The following TPCN1 variants were observed in gnomAD, a reference collection of about 807,000 sequenced individuals.
TPCN1 encodes the protein two pore channel protein 1.
Under a neutral mutation model 108.8 loss-of-function variants are expected in TPCN1, and 52 were observed. That is an observed-to-expected ratio of 0.48 (90% CI 0.38 to 0.60). The LOEUF is 0.60. Ranked by LOEUF, TPCN1 falls within the 20% of genes least tolerant of loss-of-function variation. The pLI, the probability that TPCN1 is intolerant of heterozygous loss-of-function variation, is 0.00. For synonymous variants in TPCN1, 446 were observed against 433.7 expected (o/e 1.03, Z -0.35); for missense variants, 806 against 1,072.8 (o/e 0.75, Z 3.47).
rs374432208 is a variant in TPCN1 at position 113,273,693 on chromosome 12, G to A, written c.942+25G>A. ...GGTGAGTGACTATGCCTCAGGCTAC[G>A]CTGAAGCAGCCTGCCCCTACCCATG... is the stretch of plus-strand genomic sequence containing the variant. On this transcript the variant is annotated intron_variant, in intron 10 of 27. Coordinates refer to ENST00000335509, the MANE Select transcript of TPCN1 (RefSeq NM_017901.6). This position sits in a 1 kb window ranked among gnomAD's most constrained non-coding sequence, Gnocchi z 4.0. 7 of 1,566,350 alleles carry A rather than the reference G, an allele frequency of 4.5e-6. No individual in the cohort carries two copies. The highest frequency in any genetic ancestry group is 2.7e-5 in the African/African-American group (2 of 73,944).
chr12:113,268,636 C>T lies in TPCN1; in HGVS notation c.529-106C>T. ...GAGAGGGCTGGAGAGAGGAGAAGGC[C>T]TCCCGAGGCCAGAGTGGGCACTGCC... On this transcript the variant is annotated intron_variant, in intron 5 of 27. Transcript: ENST00000335509. This position sits in a 1 kb window ranked among gnomAD's most constrained non-coding sequence, Gnocchi z 7.3. 5 of 1,454,220 alleles carry T rather than the reference C, an allele frequency of 3.4e-6. No individual in the cohort carries two copies. The highest frequency in any genetic ancestry group is 4.7e-6 in the Non-Finnish European group (5 of 1,072,774). 90.1% of individuals were successfully genotyped at this position (1,454,220 alleles called of 1,614,324 possible).
At chr12:113,292,189 T>C (rs927410451) in intron 25 of TPCN1, 3 of 515,374 alleles carry the variant, frequency 5.8e-6, no homozygotes, top group Non-Finnish European at 1.0e-5. Context: ...ATGTCATAGT[T>C]GGAGAAAAAT....
chr12:113,284,499 T>G lies in TPCN1; in HGVS notation c.1343-82T>G, dbSNP rs1955998242. On this transcript the variant is annotated intron_variant, in intron 15 of 27. Coordinates refer to ENST00000335509, the MANE Select transcript of TPCN1 (RefSeq NM_017901.6). This position sits in a 1 kb window ranked among gnomAD's most constrained non-coding sequence, Gnocchi z 4.1. ...CCCATCCCGTAGAGCTCCAGGAAGT[T>G]AACCAGGGACTTCAGCTGCGACCTG... 3.3e-6 allele frequency: 5 copies of G among 1,529,706 alleles called. No homozygotes were observed. The highest frequency in any genetic ancestry group is 2.7e-6 in the Non-Finnish European group (3 of 1,105,698). The allele number at this position is 1,529,706 out of a possible 1,614,324, so 94.8% of individuals were successfully genotyped here.
rs1172851714 is a variant in TPCN1, at chr12:113,223,435, C to CTTTTTTTTTTTTTT, written c.-126+1813_-126+1826dup. On this transcript the variant is annotated intron_variant, in intron 1 of 27. Transcript: ENST00000335509. ...AGGTCTGCAGTCAGATCTGCTGAGT[C>CTTTTTTTTTTTTTT]TTTTTTTTTTTTTTTTTGGTTCTTC... Among the ~76,000 whole-genome samples the CTTTTTTTTTTTTTT allele has an allele frequency of 4.8e-4, 58 of 120,252 alleles. 1 individual carries two copies. The highest frequency in any genetic ancestry group is 4.7e-3 in the East Asian group (19 of 4,042). The allele number at this position is 120,252 out of a possible 152,430, so 78.9% of individuals were successfully genotyped here.
chr12:113,288,724 G>A lies in TPCN1; in HGVS notation c.1707-34G>A, dbSNP rs76145795. ...TGCAGAGGAGCCGTTCCCTCCTGCCGGCCCCGCGTCACCCTGCCCCTGTCG... is the reference window on the plus strand; with the variant it reads ...TGCAGAGGAGCCGTTCCCTCCTGCCAGCCCCGCGTCACCCTGCCCCTGTCG... On this transcript the variant is annotated intron_variant, in intron 20 of 27. Coordinates refer to ENST00000335509, the MANE Select transcript of TPCN1 (RefSeq NM_017901.6). This position sits in a 1 kb window ranked among gnomAD's most constrained non-coding sequence, Gnocchi z 4.8. 1,421 of 1,607,896 alleles carry A rather than the reference G, an allele frequency of 8.8e-4. 12 individuals are homozygous for A. In the African/African-American group the frequency reaches 0.016, roughly 18 times the overall value.
At chr12:113,244,056 A>T (rs923555794) in intron 2 of TPCN1, among the ~76,000 whole-genome samples, 1 of 152,098 alleles carries the variant, frequency 6.6e-6, no homozygotes, top group African/African-American at 2.4e-5. Context: ...TCCTTGCCCC[A>T]TCCCCTGCCA....
intron 2 of TPCN1, among the ~76,000 whole-genome samples, chr12:113,240,771 C>T (rs1480032942): frequency 1.4e-5 from 2 of 141,848 alleles, no homozygotes; most frequent in African/African-American, 5.3e-5. Context: ...TTTTTGGAGA[C>T]AGAGTCTCAC....
At chr12:113,248,074 A>G (rs752825919) in intron 2 of TPCN1, among the ~76,000 whole-genome samples, 1 of 152,218 alleles carries the variant, frequency 6.6e-6, no homozygotes, top group Non-Finnish European at 1.5e-5. Flanking sequence ...TCCTTAAAAG[A>G]AAGGTTTTTA....
At chr12:113,287,434 T>G (rs1461993085) in intron 19 of TPCN1, 2 of 255,524 alleles carry the variant, frequency 7.8e-6, no homozygotes, top group African/African-American at 4.4e-5. Context: ...GAAGGGCCTT[T>G]CAGGGGCCCT....
rs1252120417 is a variant in TPCN1 at position 113,296,433 on chromosome 12, A to G, written c.*357A>G. 4.1e-6 allele frequency: 1 copy of G among 242,170 alleles called. No homozygotes were observed. The highest frequency in any genetic ancestry group is 2.2e-5 in the African/African-American group (1 of 45,420). 15.0% of individuals were successfully genotyped at this position (242,170 alleles called of 1,614,324 possible). A position where few individuals can be genotyped will look rare whatever the true frequency, so the allele number is the denominator to read the frequency against. On this transcript the variant is annotated 3_prime_UTR_variant, in exon 28 of 28. Coordinates refer to ENST00000335509, the MANE Select transcript of TPCN1 (RefSeq NM_017901.6). ...GGCCACGTCCAAAGCTGTCACTGCT[A>G]CTGCTTCAGGCTCACATCCCCCCGA...
At chr12:113,279,355 GTGTGTATATATATA>G (rs1566189062) in intron 14 of TPCN1, among the ~76,000 whole-genome samples, 3 of 65,778 alleles carry the variant, frequency 4.6e-5, no homozygotes, top group African/African-American at 2.2e-4. Context: ...ATGTGTGTGT[GTGTGTATATATATA>G]TATATATATA....
chr12:113,283,615 A>G (rs1268607030), intron 15 of TPCN1, among the ~76,000 whole-genome samples: 1 of 151,956 alleles, frequency 6.6e-6, no homozygotes, highest in African/African-American at 2.4e-5. Context: ...CAGCCTGGGT[A>G]ATAATAAAAC....
At chr12:113,234,899 A>G (rs1320768880) in intron 2 of TPCN1, among the ~76,000 whole-genome samples, 1 of 152,188 alleles carries the variant, frequency 6.6e-6, no homozygotes, top group Non-Finnish European at 1.5e-5. Context: ...AGTGGCAACC[A>G]ATTCATATAT....
chr12:113,226,626 G>A (rs7306821), intron 1 of TPCN1, 102 bp from the exon 2 acceptor site: 94 of 977,734 alleles, frequency 9.6e-5, no homozygotes, highest in African/African-American at 4.0e-4. Context: ...TTTTATTCAC[G>A]AGGTTGTGCA....
chr12:113,243,242 C>T (rs896812992), intron 2 of TPCN1, among the ~76,000 whole-genome samples: 5 of 152,180 alleles, frequency 3.3e-5, no homozygotes, highest in East Asian at 1.9e-4. Flanking sequence ...TGATGGCGGG[C>T]GCCTGTATTC....
At chr12:113,264,421 G>A (rs1211988375) in intron 3 of TPCN1, among the ~76,000 whole-genome samples, 5 of 152,200 alleles carry the variant, frequency 3.3e-5, no homozygotes, top group Non-Finnish European at 7.4e-5. Context: ...GCTCACACCT[G>A]TAATCCCAGC....
At chr12:113,224,724 A>AT (rs1953407076) in intron 1 of TPCN1, among the ~76,000 whole-genome samples, 2 of 150,940 alleles carry the variant, frequency 1.3e-5, no homozygotes, top group African/African-American at 4.9e-5. Context: ...TAATGGTTGT[A>AT]TTTTTTTGTC....
intron 18 of TPCN1, 77 bp downstream of exon 18, chr12:113,286,038 T>A: frequency 7.7e-7 from 1 of 1,302,860 alleles, no homozygotes; most frequent in South Asian, 1.2e-5. Context: ...CACACCCTGA[T>A]CCCGGGCCAT....
intron 1 of TPCN1, among the ~76,000 whole-genome samples, chr12:113,221,988 C>G (rs1953251545): frequency 2.0e-5 from 3 of 152,144 alleles, no homozygotes; most frequent in African/African-American, 7.2e-5. Flanking sequence ...TCAGGCTGCC[C>G]CAGCGGACAG....
Sources: allele counts gnomAD v4.1 joint callset (sites outside exome capture counted in the v4.1 genomes callset), GRCh38; gene constraint gnomAD v4.1.1; non-coding constraint Gnocchi (gnomAD v3.1); transcripts MANE v1.5; gene names NCBI Gene and HGNC (gene_info 2026-07-23, HGNC 2026-07-21).